Variants in BRD10 observed in about 807,000 individuals in gnomAD.
The protein encoded by BRD10 is uncharacterized bromodomain-containing protein 10.
chr9:5,908,673 T>C, the BRD10 span: 4 of 1,614,152 alleles, frequency 2.5e-6, no homozygotes, highest in Non-Finnish European at 3.4e-6. Flanking sequence ...TGAGAAACTC[T>C]CTGCAGAACA....
chr9:5,920,600 G>C, the BRD10 span: 2 of 1,613,832 alleles, frequency 1.2e-6, no homozygotes, highest in African/African-American at 2.7e-5. Context: ...GTTTACATTT[G>C]TTGGCACTGT....
chr9:5,996,488 T>C, the BRD10 span, among the ~76,000 whole-genome samples: 1 of 152,056 alleles, frequency 6.6e-6, no homozygotes, highest in African/African-American at 2.4e-5. Flanking sequence ...CTGGCTAATT[T>C]TTGTATGTTT....
chr9:5,944,619 T>A, the BRD10 span, among the ~76,000 whole-genome samples: 2 of 152,080 alleles, frequency 1.3e-5, no homozygotes, highest in Non-Finnish European at 2.9e-5. Context: ...GCCAGTATAC[T>A]GGGAAATATC....
At chr9:5,949,675 A>G in the BRD10 span, among the ~76,000 whole-genome samples, 3 of 152,196 alleles carry the variant, frequency 2.0e-5, no homozygotes, top group African/African-American at 7.2e-5. Context: ...GTTGAAAAGC[A>G]GACTTAGGGT....
chr9:5,985,381 T>G, the BRD10 span, among the ~76,000 whole-genome samples: 1 of 152,120 alleles, frequency 6.6e-6, no homozygotes, highest in African/African-American at 2.4e-5. Context: ...AATGGATGAT[T>G]TGAACTTCCA....
chr9:5,963,731 A>C, the BRD10 span, among the ~76,000 whole-genome samples: 1 of 152,162 alleles, frequency 6.6e-6, no homozygotes, highest in Non-Finnish European at 1.5e-5. Flanking sequence ...AACAGAACAG[A>C]GCCCTCAGAA....
At chr9:5,988,517 C>A in the BRD10 span, 9 of 1,613,736 alleles carry the variant, frequency 5.6e-6, no homozygotes, top group African/African-American at 1.1e-4. Context: ...CTAGATGTAA[C>A]TGCTATCGTT....
chr9:5,921,648 G>A, the BRD10 span: 1 of 1,613,860 alleles, frequency 6.2e-7, no homozygotes, highest in Non-Finnish European at 8.5e-7. Flanking sequence ...CTTGTAACAG[G>A]GTAACTTTTT....
the BRD10 span, among the ~76,000 whole-genome samples, chr9:5,911,592 T>C: frequency 1.3e-5 from 2 of 151,528 alleles, no homozygotes; most frequent in African/African-American, 2.4e-5. Context: ...CGGAGTGCAG[T>C]GGCACATTCT....
chr9:5,992,444 AATAAG>A, the BRD10 span, among the ~76,000 whole-genome samples: 2 of 152,218 alleles, frequency 1.3e-5, no homozygotes, highest in African/African-American at 2.4e-5. Flanking sequence ...CAGTGAATAA[AATAAG>A]ATAAAAAAAT....
chr9:6,002,760 T>G, the BRD10 span, among the ~76,000 whole-genome samples: 2 of 150,912 alleles, frequency 1.3e-5, no homozygotes, highest in African/African-American at 4.9e-5. Context: ...CACCGCAATC[T>G]CCATCTTCCA....
chr9:6,001,770 T>C, the BRD10 span, among the ~76,000 whole-genome samples: 3 of 152,184 alleles, frequency 2.0e-5, no homozygotes, highest in Non-Finnish European at 4.4e-5. Context: ...ATCCCAGCTA[T>C]CCACTCCCAA....
chr9:5,906,948 G>T, the BRD10 span: 1 of 1,599,116 alleles, frequency 6.3e-7, no homozygotes, highest in South Asian at 1.1e-5. Flanking sequence ...AGAAGGGTTT[G>T]ATCATCGGGA....
chr9:5,958,090 G>A, the BRD10 span, among the ~76,000 whole-genome samples: 1 of 152,112 alleles, frequency 6.6e-6, no homozygotes, highest in South Asian at 2.1e-4. Flanking sequence ...AACAGAAAGT[G>A]TCAGCCTGTA....
chr9:5,990,871 C>T, the BRD10 span, among the ~76,000 whole-genome samples: 1 of 152,282 alleles, frequency 6.6e-6, no homozygotes, highest in African/African-American at 2.4e-5. Context: ...ACCCACCATG[C>T]TTCTCGGAAT....
At chr9:5,923,397 T>A in the BRD10 span, 3 of 1,010,654 alleles carry the variant, frequency 3.0e-6, no homozygotes, top group Non-Finnish European at 4.3e-6. Flanking sequence ...AGTCAATCTT[T>A]GAGCTGGCAG....
chr9:5,908,544 G>C, the BRD10 span: 4 of 1,086,002 alleles, frequency 3.7e-6, no homozygotes, highest in Non-Finnish European at 5.5e-6. Context: ...CAGTCCACAG[G>C]GAAAGTATAA....
chr9:5,942,235 CGAT>C, the BRD10 span, among the ~76,000 whole-genome samples: 70 of 152,012 alleles, frequency 4.6e-4, 1 homozygote, highest in Middle Eastern at 6.8e-3. Context: ...TTATTCATAA[CGAT>C]GACCCTCAAG....
chr9:5,916,439 G>C, the BRD10 span, among the ~76,000 whole-genome samples: 6 of 151,824 alleles, frequency 4.0e-5, no homozygotes, highest in African/African-American at 1.2e-4. Context: ...TAAAATTGGA[G>C]ACTTGGGACT....
Sources: allele counts gnomAD v4.1 joint callset (sites outside exome capture counted in the v4.1 genomes callset), GRCh38; gene constraint gnomAD v4.1.1; transcripts MANE v1.5; gene names NCBI Gene and HGNC (gene_info 2026-07-23, HGNC 2026-07-21).